DHRSX: variants seen among roughly 807,000 people sequenced by gnomAD.
The protein encoded by DHRSX is polyprenol dehydrogenase.
A neutral mutation model predicts 34.0 loss-of-function variants in DHRSX; 31 were observed. The ratio of observed to expected loss-of-function variants is 0.91; its 90% CI spans 0.69 to 1.23. The LOEUF (loss-of-function observed/expected upper bound fraction) is 1.23. DHRSX is among the 50% of genes most tolerant of loss of function. The probability of loss-of-function intolerance (pLI) is 0.00; values close to 1 mark genes in which losing one functional copy is unlikely to be tolerated. For synonymous variants in DHRSX, 201 were observed against 183.8 expected, an observed-to-expected ratio of 1.09 and a Z score of -0.76; for missense variants, 414 against 428.1, an observed-to-expected ratio of 0.97 and a Z score of 0.29.
intron 3 of DHRSX, among the ~76,000 whole-genome samples, chrX:2,298,813 C>T (rs1321720753): frequency 6.6e-6 from 1 of 151,838 alleles, no homozygotes; most frequent in Non-Finnish European, 1.5e-5. Context: ...TGGAGAAACC[C>T]CGTCTCTACT....
intron 6 of DHRSX, among the ~76,000 whole-genome samples, chrX:2,225,797 G>A (rs958788801): frequency 2.6e-5 from 4 of 152,040 alleles, no homozygotes; most frequent in African/African-American, 9.7e-5. Context: ...AACCAGCCCT[G>A]CCCACACCTT....
At chrX:2,329,590 T>G (rs1256115082) in intron 3 of DHRSX, among the ~76,000 whole-genome samples, 1 of 152,184 alleles carries the variant, frequency 6.6e-6, no homozygotes, top group Non-Finnish European at 1.5e-5. Context: ...TCCTGAAGAC[T>G]AGTCTCAGCC....
chrX:2,247,218 G>A (rs1364992671), intron 5 of DHRSX, among the ~76,000 whole-genome samples: 1 of 152,018 alleles, frequency 6.6e-6, no homozygotes. Context: ...CAAAGTGCTG[G>A]GATTACAGGT....
At chrX:2,225,790 C>T (rs1296989481) in intron 6 of DHRSX, among the ~76,000 whole-genome samples, 1 of 151,958 alleles carries the variant, frequency 6.6e-6, no homozygotes, top group African/African-American at 2.4e-5. Flanking sequence ...CAGGAGGAAC[C>T]AGCCCTGCCC....
intron 4 of DHRSX, among the ~76,000 whole-genome samples, chrX:2,285,091 CT>C (rs1195542460): frequency 6.6e-6 from 1 of 152,028 alleles, no homozygotes; most frequent in African/African-American, 2.4e-5. Context: ...CCAGGGACCA[CT>C]TTTGTGAAAG....
At chrX:2,369,018 A>T (rs950725116) in intron 3 of DHRSX, among the ~76,000 whole-genome samples, 12 of 152,202 alleles carry the variant, frequency 7.9e-5, no homozygotes, top group African/African-American at 2.4e-4. Flanking sequence ...TGTAAATTAA[A>T]AGCCAATGAA....
intron 3 of DHRSX, 49 bp from the exon 4 acceptor site, chrX:2,291,652 T>G (rs750790935): frequency 1.4e-6 from 2 of 1,393,808 alleles, no homozygotes; most frequent in Non-Finnish European, 2.0e-6. Flanking sequence ...CCAACCTATT[T>G]CAGAGATTAA....
chrX:2,259,355 G>GAT (rs1464051390), intron 5 of DHRSX, among the ~76,000 whole-genome samples: 1 of 112,742 alleles, frequency 8.9e-6, no homozygotes, highest in African/African-American at 3.2e-5. Context: ...TAGATATATA[G>GAT]ATAGATATAG....
chrX:2,455,761 A>T (rs35341395), intron 1 of DHRSX, among the ~76,000 whole-genome samples: 2 of 150,458 alleles, frequency 1.3e-5, no homozygotes, highest in East Asian at 1.9e-4. Flanking sequence ...AAAAAAAAAA[A>T]CAATAAAAAG....
intron 1 of DHRSX, among the ~76,000 whole-genome samples, chrX:2,457,794 C>A (rs189941869): frequency 6.6e-6 from 1 of 150,854 alleles, no homozygotes; most frequent in East Asian, 2.0e-4. Flanking sequence ...CAAGGGACAG[C>A]CACGGTGTGC....
intron 6 of DHRSX, among the ~76,000 whole-genome samples, chrX:2,230,488 T>C (rs1041570205): frequency 9.2e-5 from 14 of 152,192 alleles, no homozygotes; most frequent in African/African-American, 3.4e-4. Flanking sequence ...AGGTCTTAAG[T>C]GGGCTCTGTG....
At chrX:2,253,949 T>C (rs771019046) in intron 5 of DHRSX, among the ~76,000 whole-genome samples, 1 of 152,132 alleles carries the variant, frequency 6.6e-6, no homozygotes, top group Non-Finnish European at 1.5e-5. Flanking sequence ...TAGTCCCAGC[T>C]ACTCGGGAGG....
At chrX:2,457,629 G>T (rs1010533171) in intron 1 of DHRSX, among the ~76,000 whole-genome samples, 2 of 151,160 alleles carry the variant, frequency 1.3e-5, no homozygotes, top group South Asian at 4.2e-4. Flanking sequence ...TAAGAATGCC[G>T]CAAAAGAACC....
At position 2,463,026 on chromosome X, in the gene DHRSX, G is replaced by A. The variant is rs774478343; in HGVS notation, c.110-37722C>T. Among the ~76,000 whole-genome samples the A allele has an allele frequency of 3.6e-3, 541 of 152,118 alleles. 3 individuals are homozygous for A. The highest frequency in any genetic ancestry group is 6.4e-3 in the Non-Finnish European group (432 of 67,994). ...AAAAGGAGCCCCAGAGAGCTCCCTC[G>A]CCCTTTCCACCATGTGAGCAGGCAG... is the stretch of plus-strand genomic sequence containing the variant. On this transcript the variant is annotated intron_variant, in intron 1 of 6. Coordinates refer to ENST00000334651, the MANE Select transcript of DHRSX (RefSeq NM_145177.3).
intron 6 of DHRSX, among the ~76,000 whole-genome samples, chrX:2,234,272 C>G (rs2015963707): frequency 6.6e-6 from 1 of 150,618 alleles, no homozygotes; most frequent in Admixed American, 6.6e-5. Context: ...GATCCACGCA[C>G]ACAGCTGGCT....
At chrX:2,403,686 C>G (rs1463922756) in intron 3 of DHRSX, among the ~76,000 whole-genome samples, 3 of 152,010 alleles carry the variant, frequency 2.0e-5, no homozygotes, top group African/African-American at 7.3e-5. Flanking sequence ...GAAACCCCAT[C>G]TCTACTAAAA....
At chrX:2,464,554 G>A (rs1341511053) in intron 1 of DHRSX, among the ~76,000 whole-genome samples, 10 of 148,316 alleles carry the variant, frequency 6.7e-5, no homozygotes, top group East Asian at 2.0e-4. Context: ...AGGGACCCCC[G>A]CCATGTTCGC....
intron 1 of DHRSX, among the ~76,000 whole-genome samples, chrX:2,463,649 A>C (rs1018739805): frequency 5.9e-5 from 9 of 152,128 alleles, no homozygotes; most frequent in African/African-American, 1.4e-4. Context: ...TGGACAAGGG[A>C]AAGAGAAGGA....
At chrX:2,492,746 G>A (rs923019200) in intron 1 of DHRSX, among the ~76,000 whole-genome samples, 33 of 152,230 alleles carry the variant, frequency 2.2e-4, no homozygotes, top group African/African-American at 7.7e-4. Context: ...AGCTGGGAGA[G>A]GCAGGAAGCA....
Sources: gnomAD v4.1 joint callset for allele counts (sites outside exome capture counted in the v4.1 genomes callset) on GRCh38, gnomAD v4.1.1 for gene constraint, MANE v1.5 for transcripts, NCBI Gene and HGNC (gene_info 2026-07-23, HGNC 2026-07-21) for gene names.